The following AQP9 variants were observed in gnomAD, a reference collection of about 807,000 sequenced individuals.
The protein encoded by AQP9 is aquaporin-9.
In AQP9, 19 loss-of-function variants were observed where a neutral mutation model predicts 23.8. The ratio of observed to expected loss-of-function variants is 0.80; its 90% CI spans 0.56 to 1.17. The LOEUF (loss-of-function observed/expected upper bound fraction) is 1.17, where lower values mean the gene tolerates loss of function less well. AQP9 is among the 50% of genes most tolerant of loss of function. The pLI, the probability that AQP9 is intolerant of heterozygous loss-of-function variation, is 0.00. For missense variants in AQP9, 413 were observed against 362.0 expected (o/e 1.14, Z -1.14); for synonymous variants, 153 against 131.5 (o/e 1.16, Z -1.12).
At chr15:58,162,576 A>T (rs1275687547) in intron 1 of AQP9, among the ~76,000 whole-genome samples, 6 of 152,184 alleles carry the variant, frequency 3.9e-5, no homozygotes, top group African/African-American at 1.4e-4. Flanking sequence ...CCTGTATCAC[A>T]TGCCTTCTGC....
At chr15:58,149,858 G>A (rs1898115488) in intron 1 of AQP9, among the ~76,000 whole-genome samples, 1 of 152,314 alleles carries the variant, frequency 6.6e-6, no homozygotes, top group East Asian at 1.9e-4. Flanking sequence ...CAAGAATGGG[G>A]ATTGTGTTTT....
At chr15:58,176,259 C>T (rs780823679) in intron 4 of AQP9, among the ~76,000 whole-genome samples, 2 of 152,102 alleles carry the variant, frequency 1.3e-5, no homozygotes, top group Non-Finnish European at 2.9e-5. Context: ...TGGTTCACAT[C>T]TTACTCCCTG....
chr15:58,159,412 G>T (rs1393363675), intron 1 of AQP9, among the ~76,000 whole-genome samples: 2 of 151,788 alleles, frequency 1.3e-5, no homozygotes, highest in African/African-American at 2.4e-5. Flanking sequence ...ATATTTTGGG[G>T]GTACATGGGA....
intron 5 of AQP9, among the ~76,000 whole-genome samples, 158 bp from the exon 6 acceptor site, chr15:58,183,803 C>T (rs1898945939): frequency 1.3e-5 from 2 of 152,116 alleles, no homozygotes; most frequent in Admixed American, 1.3e-4. Context: ...TCAAGGATGG[C>T]AGTTGCCATG....
chr15:58,138,478 C>G lies in AQP9; in HGVS notation c.-88C>G, dbSNP rs1897894847. ...TCTCCAGGAATCTGTGAGCCATTGT[C>G]AAAACGTCCATTTTCATCTGGCTGT... On this transcript the variant is annotated 5_prime_UTR_variant, in exon 1 of 6. Transcript: ENST00000219919. 1 of 1,032,950 alleles carries G rather than the reference C, an allele frequency of 9.7e-7. No individual in the cohort carries two copies. Among genetic ancestry groups the G allele is most frequent in the Non-Finnish European group, 1.5e-6 (1 of 686,514 alleles). 64.0% of individuals were successfully genotyped at this position (1,032,950 alleles called of 1,614,324 possible). A position where few individuals can be genotyped will look rare whatever the true frequency, so the allele number is the denominator to read the frequency against.
In AQP9 at chr15:58,185,416, T is replaced by G. The variant is rs1371659169; in HGVS notation, c.*1281T>G. On this transcript the variant is annotated 3_prime_UTR_variant, in exon 6 of 6. Transcript: ENST00000219919. ...CAATCTTAAGATACAAAGACCCTCA[T>G]TGTCTGGGTCTATTCCCACACTTAC... is the stretch of plus-strand genomic sequence containing the variant. 1 of 152,632 alleles carries G rather than the reference T, an allele frequency of 6.6e-6. No homozygotes were observed. Among genetic ancestry groups the G allele is most frequent in the Non-Finnish European group, 1.5e-5 (1 of 68,026 alleles). The allele number at this position is 152,632 out of a possible 1,614,324, so 9.5% of individuals were successfully genotyped here. A position where few individuals can be genotyped will look rare whatever the true frequency, so the allele number is the denominator to read the frequency against.
chr15:58,183,898 A>G, intron 5 of AQP9, 63 bp from the exon 6 acceptor site: 1 of 1,564,638 alleles, frequency 6.4e-7, no homozygotes, highest in African/African-American at 1.4e-5. Flanking sequence ...TGAGTGAAAA[A>G]CTAGACAGTA....
chr15:58,154,575 A>G (rs1898210547), intron 1 of AQP9, among the ~76,000 whole-genome samples: 1 of 102,742 alleles, frequency 9.7e-6, no homozygotes, highest in Non-Finnish European at 2.2e-5. Flanking sequence ...AAAATTAATT[A>G]TAATGACCAT....
chr15:58,158,642 A>G (rs994755927), intron 1 of AQP9, among the ~76,000 whole-genome samples: 6 of 152,230 alleles, frequency 3.9e-5, no homozygotes, highest in African/African-American at 1.2e-4. Flanking sequence ...TCCAAAGCGC[A>G]TGACAATCTT....
At chr15:58,161,622 T>G (rs547787164) in intron 1 of AQP9, among the ~76,000 whole-genome samples, 1 of 152,350 alleles carries the variant, frequency 6.6e-6, no homozygotes, top group African/African-American at 2.4e-5. Flanking sequence ...ATGTCTTTTC[T>G]CCTCTGTTTT....
chr15:58,165,444 C>A (rs1196821097), intron 1 of AQP9, among the ~76,000 whole-genome samples: 4 of 152,076 alleles, frequency 2.6e-5, no homozygotes, highest in African/African-American at 7.2e-5. Context: ...AATCTCTGTC[C>A]CAGTCATGTG....
Position 58,174,932 on chromosome 15 carries a change from T to G in AQP9, c.391T>G (p.Phe131Val). 1 of 1,614,152 alleles carries G rather than the reference T, an allele frequency of 6.2e-7. No individual in the cohort carries two copies. The highest frequency in any genetic ancestry group is 8.5e-7 in the Non-Finnish European group (1 of 1,179,966). ...FGIYYDGLMS[F>V]AGGKLLIVGE... ...CTCTTTCATAGATGGACTTATGTCC[T>G]TTGCTGGTGGAAAACTGCTGATCGT... The change falls in exon 4 of 6, where the codon TTT becomes GTT. Residue 131 changes from phenylalanine (F) to valine (V), a missense_variant. Coordinates refer to ENST00000219919, the MANE Select transcript of AQP9 (RefSeq NM_020980.5).
At chr15:58,176,063 G>T (rs1449334367) in intron 4 of AQP9, among the ~76,000 whole-genome samples, 1 of 152,080 alleles carries the variant, frequency 6.6e-6, no homozygotes, top group African/African-American at 2.4e-5. Context: ...TTTTTGGGTC[G>T]CAAGTTATTC....
intron 5 of AQP9, among the ~76,000 whole-genome samples, chr15:58,182,799 C>G (rs576870431): frequency 1.3e-5 from 2 of 152,254 alleles, no homozygotes; most frequent in Admixed American, 1.3e-4. Context: ...CAATGGAGGA[C>G]TTCGGAGACC....
At chr15:58,145,160 G>A (rs1259116852) in intron 1 of AQP9, among the ~76,000 whole-genome samples, 1 of 151,914 alleles carries the variant, frequency 6.6e-6, no homozygotes, top group Non-Finnish European at 1.5e-5. Context: ...GAGTTGATCA[G>A]CTTTCTTTAT....
chr15:58,180,308 G>A (rs1173725019), intron 5 of AQP9, among the ~76,000 whole-genome samples: 1 of 152,310 alleles, frequency 6.6e-6, no homozygotes, highest in East Asian at 1.9e-4. Context: ...AAGGACGTGA[G>A]TGTTCCCAAA....
At chr15:58,176,817 G>A (rs1430081532) in intron 4 of AQP9, among the ~76,000 whole-genome samples, 1 of 151,828 alleles carries the variant, frequency 6.6e-6, no homozygotes, top group African/African-American at 2.4e-5. Context: ...CACCATGTTG[G>A]CCAGACTGGT....
At chr15:58,178,215 C>A (rs1325526057) in intron 4 of AQP9, among the ~76,000 whole-genome samples, 1 of 152,094 alleles carries the variant, frequency 6.6e-6, no homozygotes, top group African/African-American at 2.4e-5. Flanking sequence ...CACCAAGGGA[C>A]AGCTGTATAA....
intron 1 of AQP9, among the ~76,000 whole-genome samples, chr15:58,165,969 C>G (rs1224798157): frequency 6.6e-6 from 1 of 152,174 alleles, no homozygotes; most frequent in Non-Finnish European, 1.5e-5. Flanking sequence ...GTCCTGATTG[C>G]CAAATCTATC....
Sources: allele counts gnomAD v4.1 joint callset (sites outside exome capture counted in the v4.1 genomes callset), GRCh38; gene constraint gnomAD v4.1.1; transcripts MANE v1.5; gene names NCBI Gene and HGNC (gene_info 2026-07-23, HGNC 2026-07-21).